Variants in UMAD1 observed in about 807,000 individuals in gnomAD.
UMAD1 encodes the protein UBAP1-MVB12-associated (UMA)-domain containing protein 1.
A neutral mutation model predicts 6.1 loss-of-function variants in UMAD1; 8 were observed. The observed-to-expected ratio is 1.30, with a 90% CI of 0.76 to 2.35. The LOEUF is 2.35. Ranked by LOEUF, UMAD1 falls within the 30% of genes most tolerant of loss-of-function variation. The pLI, the probability that UMAD1 is intolerant of heterozygous loss-of-function variation, is 0.00. For synonymous variants in UMAD1, 56 were observed against 31.4 expected (o/e 1.78, Z -2.61); for missense variants, 130 against 78.4 (o/e 1.66, Z -2.49).
At chr7:7,858,026 A>G (rs938890249) in intron 3 of UMAD1, among the ~76,000 whole-genome samples, 4 of 152,240 alleles carry the variant, frequency 2.6e-5, no homozygotes, top group African/African-American at 7.2e-5. Context: ...CTCCAGAGTT[A>G]GACGGTGTGA....
At chr7:7,711,427 T>A (rs2115169986) in intron 2 of UMAD1, among the ~76,000 whole-genome samples, 2 of 152,320 alleles carry the variant, frequency 1.3e-5, no homozygotes, top group East Asian at 3.9e-4. Flanking sequence ...CCAAGTGGTA[T>A]ATGAAAATTC....
intron 2 of UMAD1, among the ~76,000 whole-genome samples, chr7:7,719,031 G>T (rs1055123142): frequency 6.6e-6 from 1 of 152,046 alleles, no homozygotes; most frequent in Admixed American, 6.5e-5. Context: ...AAAAACATAT[G>T]AGTATTTTTG....
At chr7:7,805,433 C>G (rs1015582117) in intron 3 of UMAD1, among the ~76,000 whole-genome samples, 2 of 152,160 alleles carry the variant, frequency 1.3e-5, no homozygotes, top group African/African-American at 4.8e-5. Flanking sequence ...ATCTTGCCCT[C>G]TATATCCGGA....
At chr7:7,786,056 A>G (rs1450006416) in intron 2 of UMAD1, among the ~76,000 whole-genome samples, 2 of 152,244 alleles carry the variant, frequency 1.3e-5, no homozygotes, top group Non-Finnish European at 1.5e-5. Flanking sequence ...ATCTTTTGAG[A>G]GTAAATTGAC....
intron 2 of UMAD1, among the ~76,000 whole-genome samples, chr7:7,762,560 C>T (rs1218927374): frequency 6.6e-6 from 1 of 152,086 alleles, no homozygotes; most frequent in Non-Finnish European, 1.5e-5. Flanking sequence ...CTATGGGATG[C>T]CTCATGGAAA....
At chr7:7,778,261 T>A (rs1202402620) in intron 2 of UMAD1, among the ~76,000 whole-genome samples, 5 of 140,612 alleles carry the variant, frequency 3.6e-5, no homozygotes, top group African/African-American at 1.4e-4. Context: ...TGTGTGTGTG[T>A]GTGTGTGTGT....
At chr7:7,813,431 C>A (rs113946433) in intron 3 of UMAD1, among the ~76,000 whole-genome samples, 12 of 152,096 alleles carry the variant, frequency 7.9e-5, no homozygotes, top group Non-Finnish European at 1.5e-4. Flanking sequence ...GTCTCGAACT[C>A]CTGACCTCAT....
chr7:7,705,905 G>C (rs753712289), intron 2 of UMAD1, among the ~76,000 whole-genome samples: 8 of 152,164 alleles, frequency 5.3e-5, no homozygotes, highest in Admixed American at 2.0e-4. Flanking sequence ...GAGTTATATG[G>C]GAATTCTCTG....
intron 1 of UMAD1, among the ~76,000 whole-genome samples, chr7:7,648,501 G>T (rs142584189): frequency 1.3e-5 from 2 of 151,992 alleles, no homozygotes; most frequent in African/African-American, 4.8e-5. Flanking sequence ...ATTATGATTT[G>T]TCTTAGTCTA....
At chr7:7,761,173 C>G (rs776127059) in intron 2 of UMAD1, among the ~76,000 whole-genome samples, 15 of 151,966 alleles carry the variant, frequency 9.9e-5, no homozygotes, top group Non-Finnish European at 1.2e-4. Flanking sequence ...AAGTTCAGCT[C>G]AGACAACACG....
At chr7:7,701,194 A>G (rs1316672637) in intron 2 of UMAD1, among the ~76,000 whole-genome samples, 3 of 152,208 alleles carry the variant, frequency 2.0e-5, no homozygotes, top group Non-Finnish European at 2.9e-5. Flanking sequence ...AATGGAATCT[A>G]TCATACCTAT....
rs550038165 is a variant in UMAD1 at position 7,873,340 on chromosome 7, C to T, written c.157-3941C>T. On this transcript the variant is annotated intron_variant, in intron 3 of 3. Transcript: ENST00000682710. Reference sequence around the variant, plus strand: ...CTTGAGGTTTTATGGTGCACCCAAACGTTGCTTCCCTTTCAGTTTTTCTAT... The same window carrying T: ...CTTGAGGTTTTATGGTGCACCCAAATGTTGCTTCCCTTTCAGTTTTTCTAT... 2.6e-5 allele frequency among the ~76,000 whole-genome samples: 4 copies of T among 152,102 alleles called. No individual in the cohort carries two copies. The East Asian group carries it at 5.8e-4, about 22-fold the overall frequency.
Position 7,868,810 on chromosome 7 carries a change from A to G in UMAD1, c.157-8471A>G, listed in dbSNP as rs1046915085. ...CCCCCTAATTTCTGTATCAGTGACA[A>G]CATATCCTGGGTTTTTATTTCTTTC... On this transcript the variant is annotated intron_variant, in intron 3 of 3. Transcript: ENST00000682710. Among the ~76,000 whole-genome samples the G allele has an allele frequency of 2.6e-5, 4 of 152,188 alleles. No individual in the cohort carries two copies. The East Asian group carries it at 7.7e-4, about 29-fold the overall frequency.
At position 7,642,754 on chromosome 7, in the gene UMAD1, T is replaced by A. The variant is rs1423740754; in HGVS notation, c.-64+1933T>A. 2.0e-5 allele frequency among the ~76,000 whole-genome samples: 3 copies of A among 152,204 alleles called. No homozygotes were observed. The East Asian group carries it at 5.8e-4, about 29-fold the overall frequency. On this transcript the variant is annotated intron_variant, in intron 1 of 3. Coordinates refer to ENST00000682710, the MANE Select transcript of UMAD1 (RefSeq NM_001302348.2). ...AGCTGAAGAAATGGAACTTTACCAG[T>A]TACCAGTAAATTTTACCAGTTTGCA...
At chr7:7,845,642 G>C (rs1296090006) in intron 3 of UMAD1, among the ~76,000 whole-genome samples, 2 of 151,912 alleles carry the variant, frequency 1.3e-5, no homozygotes, top group Non-Finnish European at 2.9e-5. Flanking sequence ...GTTCCTTTTT[G>C]TTTGTTTCAT....
intron 2 of UMAD1, among the ~76,000 whole-genome samples, chr7:7,726,669 G>A (rs182003058): frequency 2.0e-4 from 31 of 152,270 alleles, no homozygotes; most frequent in African/African-American, 6.3e-4. Context: ...GTGACATTAC[G>A]TTCTGCTGGC....
chr7:7,821,102 A>G (rs1450279182), intron 3 of UMAD1, among the ~76,000 whole-genome samples: 1 of 152,218 alleles, frequency 6.6e-6, no homozygotes, highest in Non-Finnish European at 1.5e-5. Flanking sequence ...ACACAAAAGA[A>G]CAAGTAACCT....
intron 2 of UMAD1, chr7:7,685,992 C>T (rs973458435): frequency 6.6e-6 from 1 of 152,174 alleles, no homozygotes; most frequent in African/African-American, 2.4e-5. Flanking sequence ...CTGGGCCTTG[C>T]CCACACCTAG....
intron 2 of UMAD1, among the ~76,000 whole-genome samples, chr7:7,801,464 T>C (rs1782797694): frequency 1.3e-5 from 2 of 152,226 alleles, no homozygotes; most frequent in Admixed American, 6.5e-5. Context: ...AGGTTGTGTG[T>C]GTATGTATTT....
Sources: gnomAD v4.1 joint callset for allele counts (sites outside exome capture counted in the v4.1 genomes callset) on GRCh38, gnomAD v4.1.1 for gene constraint, MANE v1.5 for transcripts, NCBI Gene and HGNC (gene_info 2026-07-23, HGNC 2026-07-21) for gene names.